RUNX1: variants seen among roughly 807,000 people sequenced by gnomAD.
RUNX1 encodes the protein runt-related transcription factor 1.
A neutral mutation model predicts 42.8 loss-of-function variants in RUNX1; 19 were observed. That is an observed-to-expected ratio of 0.44 (90% CI 0.31 to 0.65). The LOEUF (loss-of-function observed/expected upper bound fraction) is 0.65, where lower values mean the gene tolerates loss of function less well. RUNX1 is among the 30% of genes least tolerant of loss of function. RUNX1 has a pLI of 0.07. For synonymous variants in RUNX1, 271 were observed against 289.4 expected (o/e 0.94, Z 0.64); for missense variants, 528 against 672.0 (o/e 0.79, Z 2.37).
chr21:34,897,363 T>C lies in RUNX1; in HGVS notation c.59-4400A>G, dbSNP rs979710232. On this transcript the variant is annotated intron_variant, in intron 2 of 8. Coordinates refer to ENST00000675419, the MANE Select transcript of RUNX1 (RefSeq NM_001754.5). ...ACTTCCAGATTAGTCTCCTGCACCATAGTTCTGCTGTGTTCTCCTGGGCAT... is the reference window on the plus strand; with the variant it reads ...ACTTCCAGATTAGTCTCCTGCACCACAGTTCTGCTGTGTTCTCCTGGGCAT... 3.3e-5 allele frequency among the ~76,000 whole-genome samples: 5 copies of C among 152,226 alleles called. 1 individual carries two copies. The South Asian group carries it at 6.2e-4, about 19-fold the overall frequency.
intron 2 of RUNX1, among the ~76,000 whole-genome samples, chr21:34,925,845 G>C (rs1286293346): frequency 6.6e-6 from 1 of 152,108 alleles, no homozygotes; most frequent in Non-Finnish European, 1.5e-5. Flanking sequence ...ATGTTGAATG[G>C]GTGCATGAAA....
At chr21:34,971,744 C>T (rs544129200) in intron 2 of RUNX1, among the ~76,000 whole-genome samples, 15 of 152,274 alleles carry the variant, frequency 9.9e-5, no homozygotes, top group African/African-American at 2.9e-4. Context: ...AGGTAAACTC[C>T]GGCAGCTCAG....
At chr21:34,855,710 AAAACAAACAAAC>A (rs1275302847) in intron 6 of RUNX1, among the ~76,000 whole-genome samples, 1 of 152,184 alleles carries the variant, frequency 6.6e-6, no homozygotes, top group Non-Finnish European at 1.5e-5. Flanking sequence ...CTCTGTCTCA[AAAACAAACAAAC>A]AAACAAACAA....
At position 34,792,535 on chromosome 21, in the gene RUNX1, T is replaced by C. The variant is rs560102637; in HGVS notation, c.1043A>G (p.His348Arg). 6.2e-7 allele frequency: 1 copy of C among 1,606,426 alleles called. No homozygotes were observed. Among genetic ancestry groups the C allele is most frequent in the South Asian group, 1.1e-5 (1 of 89,680 alleles). The change falls in exon 9 of 9, where the codon CAC (histidine) becomes CGC (arginine). Residue 348 changes from histidine (H) to arginine (R), a missense_variant. His to Arg is a conservative substitution (Grantham distance 29). This residue lies in a region of RUNX1 where 331 missense variants were observed against 382.5 expected (regional missense o/e 0.87). Coordinates refer to ENST00000675419, the MANE Select transcript of RUNX1 (RefSeq NM_001754.5). The surrounding 1 kb of genome is among the most constrained non-coding windows in gnomAD (Gnocchi z 6.9). ...GGAGTAGGTGAAGGCGCCTGGATAGTGCATGCGGGGGTCGGAGATGGAGGG... is the reference window on the plus strand; with the variant it reads ...GGAGTAGGTGAAGGCGCCTGGATAGCGCATGCGGGGGTCGGAGATGGAGGG... ...ALPSISDPRM[H>R]YPGAFTYSPT...
At chr21:35,023,431 C>T (rs1782791048) in intron 2 of RUNX1, among the ~76,000 whole-genome samples, 1 of 152,196 alleles carries the variant, frequency 6.6e-6, no homozygotes, top group Admixed American at 6.5e-5. Context: ...TTTCCCTTCT[C>T]CTCTGTCACT....
intron 7 of RUNX1, among the ~76,000 whole-genome samples, chr21:34,828,803 A>T (rs1046486008): frequency 4.6e-5 from 7 of 152,218 alleles, no homozygotes; most frequent in Non-Finnish European, 8.8e-5. Flanking sequence ...CCTATCTGCC[A>T]TGGGATGACT....
intron 2 of RUNX1, among the ~76,000 whole-genome samples, chr21:35,006,826 C>A (rs987214642): frequency 8.5e-5 from 13 of 152,146 alleles, no homozygotes; most frequent in Admixed American, 8.5e-4. Flanking sequence ...CCTTTCTCTA[C>A]CAGGCAAAAC....
rs56091299 is a variant in RUNX1 at position 34,982,397 on chromosome 21, G to GGT, written c.58+66443_58+66444dup. On this transcript the variant is annotated intron_variant, in intron 2 of 8. Coordinates refer to ENST00000675419, the MANE Select transcript of RUNX1 (RefSeq NM_001754.5). ...AAGGCTCAATTATGAAGTCAAAAGGGGTGTGTGTGTGTGTGTGTGTGACGG... is the reference window on the plus strand; with the variant it reads ...AAGGCTCAATTATGAAGTCAAAAGGGGTGTGTGTGTGTGTGTGTGTGTGACGG... Among the ~76,000 whole-genome samples the GGT allele has an allele frequency of 7.1e-3, 1,053 of 148,310 alleles. 9 individuals carry two copies. The highest frequency in any genetic ancestry group is 9.4e-3 in the Non-Finnish European group (632 of 67,204).
At chr21:34,892,379 G>A (rs190102333) in intron 3 of RUNX1, among the ~76,000 whole-genome samples, 1 of 152,248 alleles carries the variant, frequency 6.6e-6, no homozygotes, top group African/African-American at 2.4e-5. Context: ...GAGGGGGGAG[G>A]AGAGCCCTTA....
chr21:34,823,430 G>GTTTTTTTTTTTTTTTTTTTT lies in RUNX1; in HGVS notation c.805+10960_805+10979dup, dbSNP rs56957776. Among the ~76,000 whole-genome samples, 4 of 99,712 alleles carry GTTTTTTTTTTTTTTTTTTTT rather than the reference G, an allele frequency of 4.0e-5. 1 individual carries two copies. Among genetic ancestry groups the GTTTTTTTTTTTTTTTTTTTT allele is most frequent in the African/African-American group, 1.0e-4 (2 of 19,514 alleles). 65.4% of individuals were successfully genotyped at this position (99,712 alleles called of 152,430 possible). ...TAAGCACCATTTCCATTCCTGGTGG[G>GTTTTTTTTTTTTTTTTTTTT]TTTTTTTTTTTTTTTTTTTTTTTTT... On this transcript the variant is annotated intron_variant, in intron 7 of 8. Coordinates refer to ENST00000675419, the MANE Select transcript of RUNX1 (RefSeq NM_001754.5).
At chr21:34,979,260 A>G (rs1013457794) in intron 2 of RUNX1, among the ~76,000 whole-genome samples, 2 of 152,066 alleles carry the variant, frequency 1.3e-5, no homozygotes, top group African/African-American at 4.8e-5. Flanking sequence ...GCTCCAAGAT[A>G]TGCCTCAAGC....
At chr21:34,987,129 A>T (rs1023228105) in intron 2 of RUNX1, among the ~76,000 whole-genome samples, 1 of 152,232 alleles carries the variant, frequency 6.6e-6, no homozygotes, top group Non-Finnish European at 1.5e-5. Context: ...CAATGGCTGA[A>T]AGAGGAACGT....
At chr21:34,831,589 A>G (rs2057064977) in intron 7 of RUNX1, among the ~76,000 whole-genome samples, 1 of 152,234 alleles carries the variant, frequency 6.6e-6, no homozygotes, top group African/African-American at 2.4e-5. Flanking sequence ...TGTAAAGCTG[A>G]AAAACATTCA....
chr21:34,955,648 C>G (rs1383207020), intron 2 of RUNX1, among the ~76,000 whole-genome samples: 3 of 152,186 alleles, frequency 2.0e-5, no homozygotes, highest in Admixed American at 1.3e-4. Flanking sequence ...GCTGTCCTAA[C>G]AGCAAAATCC....
At chr21:34,805,641 A>G (rs561711662) in intron 7 of RUNX1, among the ~76,000 whole-genome samples, 1 of 152,360 alleles carries the variant, frequency 6.6e-6, no homozygotes, top group African/African-American at 2.4e-5. Context: ...TTCAAATTCA[A>G]AGAAATAAGG....
At chr21:35,024,870 G>A (rs994969073) in intron 2 of RUNX1, among the ~76,000 whole-genome samples, 3 of 152,216 alleles carry the variant, frequency 2.0e-5, no homozygotes, top group African/African-American at 7.2e-5. Context: ...TGGAATATAA[G>A]TGATGGGTCT....
intron 2 of RUNX1, among the ~76,000 whole-genome samples, chr21:34,957,789 T>G (rs1166565476): frequency 6.6e-6 from 1 of 152,222 alleles, no homozygotes; most frequent in Non-Finnish European, 1.5e-5. Flanking sequence ...TTGGAAATCT[T>G]TAGCCTTTTC....
chr21:34,932,978 C>T (rs1601585888), intron 2 of RUNX1, among the ~76,000 whole-genome samples: 2 of 152,300 alleles, frequency 1.3e-5, no homozygotes, highest in South Asian at 2.1e-4. Flanking sequence ...ACTTCTACTC[C>T]TATTTCTCAC....
rs2057114890 is a variant in RUNX1 at position 34,834,562 on chromosome 21, C to T, written c.653G>A (p.Ser218Asn). 1 of 1,612,120 alleles carries T rather than the reference C, an allele frequency of 6.2e-7. No individual in the cohort carries two copies. Among genetic ancestry groups the T allele is most frequent in the South Asian group, 1.1e-5 (1 of 91,006 alleles). The change falls in exon 7 of 9, where the codon AGC becomes AAC. Residue 218 changes from serine (S) to asparagine (N), a missense_variant. Around this residue, in one of 3 missense-constraint regions of RUNX1, gnomAD observed 331 missense variants for 382.5 expected, o/e 0.87. Coordinates refer to ENST00000675419, the MANE Select transcript of RUNX1 (RefSeq NM_001754.5). ...ACTGAGCCGCTCGGAAAAGGACAAG[C>T]TCCCGGGCTTGGTCTGATCATCTAG... ...QKLDDQTKPG[S>N]LSFSERLSEL...
Sources: allele counts gnomAD v4.1 joint callset (sites outside exome capture counted in the v4.1 genomes callset), GRCh38; gene constraint gnomAD v4.1.1; regional missense constraint gnomAD v4.1.1; non-coding constraint Gnocchi (gnomAD v3.1); transcripts MANE v1.5; gene names NCBI Gene and HGNC (gene_info 2026-07-23, HGNC 2026-07-21).